ROBO2: variants seen among roughly 807,000 people sequenced by gnomAD.
ROBO2 encodes the protein roundabout homolog 2.
ROBO2 carries 53 observed loss-of-function variants against 160.8 expected under a neutral mutation model. That is an observed-to-expected ratio of 0.33 (90% CI 0.26 to 0.41). The LOEUF (loss-of-function observed/expected upper bound fraction) is 0.41, where lower values mean the gene tolerates loss of function less well. Ranked by LOEUF, ROBO2 falls within the 10% of genes least tolerant of loss-of-function variation. The pLI is 1.00. For synonymous variants in ROBO2, 664 were observed against 611.7 expected (o/e 1.09, Z -1.26); for missense variants, 1,577 against 1,722.4 (o/e 0.92, Z 1.49).
intron 2 of ROBO2, among the ~76,000 whole-genome samples, chr3:76,203,634 T>C (rs1288841984): frequency 6.8e-6 from 1 of 145,990 alleles, no homozygotes; most frequent in Non-Finnish European, 1.5e-5. Context: ...GTAACCTGTG[T>C]GAGATTGCCT....
intron 2 of ROBO2, among the ~76,000 whole-genome samples, chr3:76,717,231 C>A (rs575895156): frequency 6.6e-6 from 1 of 151,666 alleles, no homozygotes; most frequent in Non-Finnish European, 1.5e-5. Context: ...CGGTGGCTCA[C>A]GCCTGTAATC....
intron 2 of ROBO2, among the ~76,000 whole-genome samples, chr3:76,532,875 T>C (rs190056679): frequency 1.9e-4 from 29 of 152,298 alleles, no homozygotes; most frequent in African/African-American, 6.3e-4. Flanking sequence ...TATTTGTTCC[T>C]CAAAATAATG....
chr3:76,744,447 C>G (rs1041954566), intron 2 of ROBO2, among the ~76,000 whole-genome samples: 1 of 152,092 alleles, frequency 6.6e-6, no homozygotes, highest in African/African-American at 2.4e-5. Flanking sequence ...ACAGCCTCCA[C>G]CTCCTGGGCC....
At chr3:76,034,299 G>A (rs2067028246) in intron 2 of ROBO2, among the ~76,000 whole-genome samples, 1 of 152,194 alleles carries the variant, frequency 6.6e-6, no homozygotes, top group South Asian at 2.1e-4. Flanking sequence ...TGTTAAATTA[G>A]TTTTAAAAGT....
intron 4 of ROBO2, among the ~76,000 whole-genome samples, chr3:77,487,140 G>T (rs1192833083): frequency 6.6e-6 from 1 of 152,094 alleles, no homozygotes; most frequent in African/African-American, 2.4e-5. Flanking sequence ...TATGAGAGAA[G>T]ATCCTTAGGA....
At position 77,458,019 on chromosome 3, in the gene ROBO2, G is replaced by A. The variant is rs149247499; in HGVS notation, c.389-19395G>A. 2.1e-4 allele frequency among the ~76,000 whole-genome samples: 32 copies of A among 152,168 alleles called. 1 individual carries two copies. Among genetic ancestry groups the A allele is most frequent in the African/African-American group, 7.0e-4 (29 of 41,534 alleles). On this transcript the variant is annotated intron_variant, in intron 2 of 25. Coordinates refer to ENST00000461745, the Ensembl canonical transcript of ROBO2. ...AAAACCATGATAATGAATGAACCTT[G>A]CTCTTTGCCAGGTATGTGCTAAATG...
chr3:77,291,440 C>A lies in ROBO2; in HGVS notation c.389-185974C>A, dbSNP rs549220355. ...ACGGGTAAGCTGAGGCTAGATCACC[C>A]CAGACATGAAGTAAAATTGATGGTT... On this transcript the variant is annotated intron_variant, in intron 2 of 25. Coordinates refer to ENST00000461745, the Ensembl canonical transcript of ROBO2. Among the ~76,000 whole-genome samples the A allele has an allele frequency of 2.4e-3, 353 of 146,572 alleles. 1 individual carries two copies. The highest frequency in any genetic ancestry group is 9.2e-3 in the Admixed American group (134 of 14,636).
chr3:76,073,117 C>A (rs184892810), intron 2 of ROBO2, among the ~76,000 whole-genome samples: 244 of 152,106 alleles, frequency 1.6e-3, no homozygotes, highest in Non-Finnish European at 2.7e-3. Context: ...GCTCTTGTAT[C>A]GTGGCTGAAA....
At chr3:76,438,656 T>A (rs1295474279) in intron 2 of ROBO2, among the ~76,000 whole-genome samples, 2 of 152,094 alleles carry the variant, frequency 1.3e-5, no homozygotes, top group Non-Finnish European at 2.9e-5. Flanking sequence ...TATACAAGTA[T>A]AAGTGTAATT....
chr3:77,225,478 G>T (rs1160185587), intron 2 of ROBO2, among the ~76,000 whole-genome samples: 2 of 151,482 alleles, frequency 1.3e-5, no homozygotes, highest in Non-Finnish European at 3.0e-5. Flanking sequence ...GGAATTGTGT[G>T]AAGTCTTGTT....
chr3:77,164,903 C>T (rs865973752), intron 2 of ROBO2, among the ~76,000 whole-genome samples: 594 of 88,870 alleles, frequency 6.7e-3, no homozygotes, highest in Admixed American at 8.4e-3. Context: ...GTCAGCCCCC[C>T]GCCCGGCCAG....
At position 77,261,802 on chromosome 3, in the gene ROBO2, C is replaced by A. The variant is rs988141406; in HGVS notation, c.388+163462C>A. Among the ~76,000 whole-genome samples the A allele has an allele frequency of 9.8e-5, 14 of 142,550 alleles. 1 individual carries two copies. The Admixed American group carries it at 1.0e-3, about 10-fold the overall frequency. The allele number at this position is 142,550 out of a possible 152,430, so 93.5% of individuals were successfully genotyped here. On this transcript the variant is annotated intron_variant, in intron 2 of 25. Coordinates refer to ENST00000461745, the Ensembl canonical transcript of ROBO2. The stretch of plus-strand genomic sequence containing the variant: ...TTTTTTTTTGTAAGACAGGGTCTTG[C>A]TGTCACTCAGGCTGGAGTTCAGTGG...
At chr3:76,273,723 G>A (rs986028545) in intron 2 of ROBO2, among the ~76,000 whole-genome samples, 1 of 152,052 alleles carries the variant, frequency 6.6e-6, no homozygotes, top group African/African-American at 2.4e-5. Context: ...CATGAGCAGA[G>A]CAGCATGGAG....
At chr3:76,415,547 G>C (rs537289292) in intron 2 of ROBO2, among the ~76,000 whole-genome samples, 1 of 152,154 alleles carries the variant, frequency 6.6e-6, no homozygotes, top group Non-Finnish European at 1.5e-5. Context: ...GGCAAAATGT[G>C]AGCCTACTCA....
intron 2 of ROBO2, among the ~76,000 whole-genome samples, chr3:76,201,562 A>G (rs1221045275): frequency 6.6e-6 from 1 of 152,154 alleles, no homozygotes; most frequent in Non-Finnish European, 1.5e-5. Flanking sequence ...TGCCAGCAAA[A>G]TGACACTATG....
At chr3:77,424,082 T>C (rs2077957887) in intron 2 of ROBO2, among the ~76,000 whole-genome samples, 6 of 152,158 alleles carry the variant, frequency 3.9e-5, no homozygotes. Context: ...AGAGTGGAGT[T>C]AAAGCTGATA....
At chr3:76,614,661 A>T (rs961569836) in intron 2 of ROBO2, among the ~76,000 whole-genome samples, 1 of 152,174 alleles carries the variant, frequency 6.6e-6, no homozygotes, top group Admixed American at 6.5e-5. Flanking sequence ...TTTTATCAAC[A>T]ATGGTTTAAT....
chr3:76,707,048 A>G (rs1413690792), intron 2 of ROBO2, among the ~76,000 whole-genome samples: 1 of 152,050 alleles, frequency 6.6e-6, no homozygotes, highest in African/African-American at 2.4e-5. Flanking sequence ...GTGTGTATGC[A>G]TGTATATATA....
intron 2 of ROBO2, among the ~76,000 whole-genome samples, chr3:76,019,541 C>T (rs910644234): frequency 4.0e-5 from 6 of 151,832 alleles, no homozygotes; most frequent in African/African-American, 1.5e-4. Context: ...GTTCAGTTTT[C>T]TCTGAAGTTC....
Sources: allele counts gnomAD v4.1 joint callset (sites outside exome capture counted in the v4.1 genomes callset), GRCh38; gene constraint gnomAD v4.1.1; transcripts MANE v1.5; gene names NCBI Gene and HGNC (gene_info 2026-07-23, HGNC 2026-07-21).